DAB1: variants seen among roughly 807,000 people sequenced by gnomAD.
DAB1 encodes DAB adaptor protein 1.
In DAB1, 15 loss-of-function variants were observed where a neutral mutation model predicts 64.6. The ratio of observed to expected loss-of-function variants is 0.23; its 90% CI spans 0.16 to 0.36. The LOEUF is 0.36. DAB1 is among the 10% of genes least tolerant of loss of function. DAB1 has a pLI of 1.00. For missense variants in DAB1, 596 were observed against 706.7 expected (o/e 0.84, Z 1.78); for synonymous variants, 235 against 251.9 (o/e 0.93, Z 0.64).
intron 5 of DAB1, among the ~76,000 whole-genome samples, chr1:57,952,264 G>A (rs946439386): frequency 3.9e-5 from 6 of 152,176 alleles, no homozygotes; most frequent in African/African-American, 7.2e-5. Context: ...TGGCATGGGA[G>A]TATGATGGGG....
intron 7 of DAB1, among the ~76,000 whole-genome samples, chr1:57,640,827 T>A (rs531044650): frequency 6.6e-6 from 1 of 152,258 alleles, no homozygotes; most frequent in South Asian, 2.1e-4. Flanking sequence ...TAGAGTAACA[T>A]TAGAGCTGCA....
At chr1:57,861,294 A>T (rs1278543448) in intron 1 of DAB1, among the ~76,000 whole-genome samples, 1 of 152,212 alleles carries the variant, frequency 6.6e-6, no homozygotes, top group African/African-American at 2.4e-5. Context: ...ATACAAGAGA[A>T]ATATATTTCT....
intron 1 of DAB1, among the ~76,000 whole-genome samples, chr1:57,303,895 C>G (rs1307149764): frequency 6.6e-6 from 1 of 152,160 alleles, no homozygotes; most frequent in Non-Finnish European, 1.5e-5. Flanking sequence ...AAACTCCCCC[C>G]TGCCTTACTG....
At chr1:57,206,424 A>T (rs10489465) in intron 2 of DAB1, among the ~76,000 whole-genome samples, 2 of 152,104 alleles carry the variant, frequency 1.3e-5, no homozygotes, top group East Asian at 3.9e-4. Flanking sequence ...TGTAATATGG[A>T]AACAGTCTAT....
intron 7 of DAB1, among the ~76,000 whole-genome samples, chr1:57,519,078 T>C (rs1248253298): frequency 6.6e-6 from 1 of 152,192 alleles, no homozygotes; most frequent in Non-Finnish European, 1.5e-5. Flanking sequence ...AGAAATGATT[T>C]TGAAGTTCTT....
At chr1:57,573,258 T>A (rs1460464864) in intron 7 of DAB1, among the ~76,000 whole-genome samples, 6 of 151,776 alleles carry the variant, frequency 4.0e-5, no homozygotes, top group African/African-American at 9.7e-5. Context: ...GGCTGGTTTT[T>A]AAAAAAAACT....
At chr1:57,552,469 T>C (rs1644925195) in intron 7 of DAB1, among the ~76,000 whole-genome samples, 2 of 152,190 alleles carry the variant, frequency 1.3e-5, no homozygotes, top group Non-Finnish European at 2.9e-5. Flanking sequence ...ACAGAATGGA[T>C]AGGCTTCTAT....
intron 6 of DAB1, among the ~76,000 whole-genome samples, chr1:57,709,581 A>G (rs1557436276): frequency 6.6e-6 from 1 of 152,130 alleles, no homozygotes; most frequent in Non-Finnish European, 1.5e-5. Flanking sequence ...TGGAAGTTTA[A>G]TAGGTGAAAG....
At chr1:58,004,936 C>A (rs535114023) in intron 5 of DAB1, among the ~76,000 whole-genome samples, 1 of 152,266 alleles carries the variant, frequency 6.6e-6, no homozygotes, top group African/African-American at 2.4e-5. Flanking sequence ...AGTTACACTT[C>A]TTCACATCTA....
intron 2 of DAB1, among the ~76,000 whole-genome samples, chr1:57,178,727 T>G (rs1662598068): frequency 1.3e-5 from 2 of 152,184 alleles, no homozygotes; most frequent in Admixed American, 1.3e-4. Context: ...TGTTCATTTA[T>G]AATTACTCCG....
At chr1:57,691,116 C>G (rs912985241) in intron 6 of DAB1, among the ~76,000 whole-genome samples, 1 of 152,096 alleles carries the variant, frequency 6.6e-6, no homozygotes, top group Non-Finnish European at 1.5e-5. Flanking sequence ...GCTGGATTTC[C>G]TGGGTCGAGT....
chr1:57,271,615 G>A (rs918114560), intron 2 of DAB1, among the ~76,000 whole-genome samples: 1 of 152,298 alleles, frequency 6.6e-6, no homozygotes, highest in East Asian at 1.9e-4. Flanking sequence ...CAGACATAGG[G>A]ATGAGGCAAG....
intron 2 of DAB1, among the ~76,000 whole-genome samples, chr1:57,159,986 T>C (rs1428867218): frequency 6.6e-6 from 1 of 152,004 alleles, no homozygotes; most frequent in African/African-American, 2.4e-5. Flanking sequence ...ATCCTGCTCA[T>C]CTGGGCAAAT....
Position 56,996,757 on chromosome 1 carries a change from C to G in DAB1, c.*1387G>C, listed in dbSNP as rs1049625330. 5.3e-5 allele frequency: 8 copies of G among 152,298 alleles called. No individual in the cohort carries two copies. Among genetic ancestry groups the G allele is most frequent in the Non-Finnish European group, 1.0e-4 (7 of 68,044 alleles). The allele number at this position is 152,298 out of a possible 1,614,324, so 9.4% of individuals were successfully genotyped here. On this transcript the variant is annotated 3_prime_UTR_variant, in exon 15 of 15. Transcript: ENST00000371236. ...GCACTCCAGCTTCCTACCATATGCT[C>G]CAGAATAACGTCTGGAAAGTGAGCC...
At chr1:57,980,391 T>A (rs1426581066) in intron 5 of DAB1, among the ~76,000 whole-genome samples, 1 of 152,116 alleles carries the variant, frequency 6.6e-6, no homozygotes, top group Non-Finnish European at 1.5e-5. Context: ...CACTTCCTTA[T>A]CTCCACTCTT....
intron 1 of DAB1, among the ~76,000 whole-genome samples, chr1:57,368,157 C>T (rs1416201116): frequency 6.6e-6 from 1 of 152,228 alleles, no homozygotes; most frequent in Non-Finnish European, 1.5e-5. Context: ...CCTCAGCCCC[C>T]TTCTGGACTT....
chr1:57,482,489 A>AG (rs1644035184), intron 7 of DAB1, among the ~76,000 whole-genome samples: 1 of 150,630 alleles, frequency 6.6e-6, no homozygotes, highest in South Asian at 2.1e-4. Flanking sequence ...AAAAAAAAAA[A>AG]AAAAAAAAAA....
chr1:57,033,592 A>T (rs747712982), intron 9 of DAB1: 11 of 1,604,414 alleles, frequency 6.9e-6, no homozygotes, highest in Non-Finnish European at 9.4e-6. Context: ...GGAAGGGATG[A>T]TGAATGAGGA....
At chr1:57,116,480 A>AAAAAAAAAAG (rs1553144211) in intron 4 of DAB1, among the ~76,000 whole-genome samples, 4 of 131,316 alleles carry the variant, frequency 3.0e-5, no homozygotes, top group African/African-American at 8.2e-5. Context: ...AAAAAAAAAA[A>AAAAAAAAAAG]AAAGAAAGAA....
Sources: gnomAD v4.1 joint callset for allele counts (sites outside exome capture counted in the v4.1 genomes callset) on GRCh38, gnomAD v4.1.1 for gene constraint, MANE v1.5 for transcripts, NCBI Gene and HGNC (gene_info 2026-07-23, HGNC 2026-07-21) for gene names.